Variants in CTCFL observed in about 807,000 individuals in gnomAD.
CTCFL encodes the protein CCCTC-binding factor like.
CTCFL carries 36 observed loss-of-function variants against 67.4 expected under a neutral mutation model. The ratio of observed to expected loss-of-function variants is 0.53; its 90% CI spans 0.41 to 0.71. The LOEUF is 0.71. Ranked by LOEUF, CTCFL falls within the 30% of genes least tolerant of loss-of-function variation. The probability of loss-of-function intolerance (pLI) is 0.00; values close to 1 mark genes in which losing one functional copy is unlikely to be tolerated. For synonymous variants in CTCFL, 324 were observed against 302.3 expected, an observed-to-expected ratio of 1.07 and a Z score of -0.75; for missense variants, 786 against 835.2, an observed-to-expected ratio of 0.94 and a Z score of 0.73.
chr20:57,500,651 C>A (rs1600633352), intron 10 of CTCFL, among the ~76,000 whole-genome samples: 1 of 152,024 alleles, frequency 6.6e-6, no homozygotes, highest in African/African-American at 2.4e-5. Context: ...TGGATATGAC[C>A]GCTGACCATC....
In CTCFL at chr20:57,497,238, A is replaced by G. The variant is rs1600628591; in HGVS notation, c.*1312T>C. 1 of 970,058 alleles carries G rather than the reference A, an allele frequency of 1.0e-6. No homozygotes were observed. The highest frequency in any genetic ancestry group is 1.1e-4 in the East Asian group (1 of 8,754). 60.1% of individuals were successfully genotyped at this position (970,058 alleles called of 1,614,324 possible). A position where few individuals can be genotyped will look rare whatever the true frequency, so the allele number is the denominator to read the frequency against. The stretch of plus-strand genomic sequence containing the variant: ...TAAATAACAGTAAAAAAATTAAGAA[A>G]CCATTGCACAAATTCAGTCACAATG... On this transcript the variant is annotated 3_prime_UTR_variant, in exon 11 of 11. Coordinates refer to ENST00000243914, the MANE Select transcript of CTCFL (RefSeq NM_001386993.1).
At chr20:57,520,387 A>G (rs964779641) in intron 3 of CTCFL, among the ~76,000 whole-genome samples, 74 of 152,250 alleles carry the variant, frequency 4.9e-4, no homozygotes, top group Non-Finnish European at 2.2e-4. Flanking sequence ...GAATCATCAA[A>G]TACAGAATAT....
In CTCFL at chr20:57,523,276, G is replaced by T. The variant is rs746164245; in HGVS notation, c.546C>A (p.Leu182=). Residue 182 remains leucine, a splice_region_variant and synonymous_variant, in exon 3 of 11, where the codon CTC becomes CTA. Coordinates refer to ENST00000243914, the MANE Select transcript of CTCFL (RefSeq NM_001386993.1). ...ACTGGTTCTTCTCCTGCTCTTCCTC[G>T]AGCTAATAAACAACAAATATTCAAA... ...SLAETTGLIK[L]EEEQEKNQLL... 1.9e-6 allele frequency: 3 copies of T among 1,611,864 alleles called. No individual in the cohort carries two copies. Among genetic ancestry groups the T allele is most frequent in the Non-Finnish European group, 2.5e-6 (3 of 1,178,980 alleles).
chr20:57,498,250 C>CA lies in CTCFL; in HGVS notation c.*299dup. ...CCATAGGTTTGAGGTGTTACCCTCT[C>CA]ATTCAAGGTTTAAAACTTTTATAAA... On this transcript the variant is annotated 3_prime_UTR_variant, in exon 11 of 11. Transcript: ENST00000243914. 9.6e-7 allele frequency: 1 copy of CA among 1,042,006 alleles called. No individual in the cohort carries two copies. Among genetic ancestry groups the CA allele is most frequent in the Non-Finnish European group, 1.2e-6 (1 of 865,890 alleles). 64.5% of individuals were successfully genotyped at this position (1,042,006 alleles called of 1,614,324 possible).
upstream of CTCFL, chr20:57,525,237 C>G (rs1414657550): frequency 2.5e-5 from 2 of 81,526 alleles, no homozygotes; most frequent in African/African-American, 9.5e-5. Flanking sequence ...ACTGTGGGGG[C>G]AGGGGGGAAG....
Position 57,523,064 on chromosome 20 carries a change from C to T in CTCFL, c.754+4G>A, listed in dbSNP as rs547361827. On this transcript the variant is annotated splice_donor_region_variant and intron_variant, in intron 3 of 10. Transcript: ENST00000243914. Reference sequence around the variant, plus strand: ...AGTGTATTCTATGAGATGAACTGGCCTACCCTTTGTCTTTCTTTGATTTTT... The same window carrying T: ...AGTGTATTCTATGAGATGAACTGGCTTACCCTTTGTCTTTCTTTGATTTTT... The T allele has an allele frequency of 2.5e-6, 4 of 1,612,514 alleles. No homozygotes were observed. In the East Asian group the frequency reaches 8.9e-5, roughly 36 times the overall value.
In CTCFL at chr20:57,508,470, T is replaced by C. The variant is rs868510915; in HGVS notation, c.1674+136A>G. Reference sequence around the variant, plus strand: ...GATTTTAAAAAACTAATAACCACTTTCCTAAGGCATGACAGATGCTCCTGA... The same window carrying C: ...GATTTTAAAAAACTAATAACCACTTCCCTAAGGCATGACAGATGCTCCTGA... On this transcript the variant is annotated intron_variant, in intron 9 of 10. Transcript: ENST00000243914. 191 of 775,180 alleles carry C rather than the reference T, an allele frequency of 2.5e-4. No individual in the cohort carries two copies. In the Middle Eastern group the frequency reaches 2.5e-3, roughly 10 times the overall value. 48.0% of individuals were successfully genotyped at this position (775,180 alleles called of 1,614,324 possible).
At position 57,512,701 on chromosome 20, in the gene CTCFL, C is replaced by T. The variant is rs542637797; in HGVS notation, c.1382G>A (p.Arg461His). 3.7e-6 allele frequency: 6 copies of T among 1,614,160 alleles called. No homozygotes were observed. The highest frequency in any genetic ancestry group is 2.2e-5 in the East Asian group (1 of 44,890). Residue 461 changes from arginine to histidine, a missense_variant, in exon 8 of 11, where the codon CGC becomes CAC. Around this residue, in one of 3 missense-constraint regions of CTCFL, gnomAD observed 254 missense variants for 333.9 expected, o/e 0.76. Transcript: ENST00000243914. ...HAYSAAELKCRYCSAVFHERY... is the reference protein window; with the variant it reads ...HAYSAAELKCHYCSAVFHERY... ...TTCATGGAAGACAGCAGAACAGTAG[C>T]GGCATTTCAGCTCTGCAGCGCTGTA...
chr20:57,523,170 T>C lies in CTCFL; in HGVS notation c.652A>G (p.Thr218Ala). ...TCTTCCACATTTGAATTTGAAACTGTGAGAACAATTTCGTCACTTCTTTCA... is the reference window on the plus strand; with the variant it reads ...TCTTCCACATTTGAATTTGAAACTGCGAGAACAATTTCGTCACTTCTTTCA... ...GDERSDEIVLTVSNSNVEEQE... is the reference protein window; with the variant it reads ...GDERSDEIVLAVSNSNVEEQE... Residue 218 changes from threonine (T) to alanine (A), a missense_variant, in exon 3 of 11, where the codon ACA (threonine) becomes GCA (alanine). Physicochemically the swap from Thr to Ala is moderately conservative, Grantham distance 58. Transcript: ENST00000243914. 1 of 1,614,066 alleles carries C rather than the reference T, an allele frequency of 6.2e-7. No individual in the cohort carries two copies.
At chr20:57,503,682 G>T in intron 9 of CTCFL, 81 bp from the exon 10 acceptor site, 6 of 1,464,514 alleles carry the variant, frequency 4.1e-6, no homozygotes, top group Non-Finnish European at 4.7e-6. Flanking sequence ...GGGACCCCAC[G>T]CATGGAAAGA....
In CTCFL at chr20:57,502,010, G is replaced by A. The variant is rs938509137; in HGVS notation, c.1840+1426C>T. Among the ~76,000 whole-genome samples the A allele has an allele frequency of 8.5e-5, 13 of 152,222 alleles. No homozygotes were observed. In the East Asian group the frequency reaches 1.2e-3, roughly 14 times the overall value. ...TTGCATGAGCTCAGTGGTAATTGCC[G>A]ATGCCTGGAGGAGAAAGGAGGGTGC... is the stretch of plus-strand genomic sequence containing the variant. On this transcript the variant is annotated intron_variant, in intron 10 of 10. Transcript: ENST00000243914.
At chr20:57,515,606 T>C (rs1568870986) in intron 6 of CTCFL, 108 bp downstream of exon 6, 3 of 1,452,466 alleles carry the variant, frequency 2.1e-6, no homozygotes, top group Middle Eastern at 3.6e-4. Context: ...CACGCAAAAA[T>C]CCACTTTTAC....
At chr20:57,523,357 A>G in intron 2 of CTCFL, 79 bp from the exon 3 acceptor site, 1 of 1,360,852 alleles carries the variant, frequency 7.3e-7, no homozygotes. Flanking sequence ...AGCACAGAAT[A>G]CAAAAAGAAA....
chr20:57,516,541 A>C (rs2068938568), intron 5 of CTCFL, among the ~76,000 whole-genome samples: 1 of 152,190 alleles, frequency 6.6e-6, no homozygotes, highest in African/African-American at 2.4e-5. Context: ...TGTCTCAAAA[A>C]AAATAAAAAT....
chr20:57,505,243 CAA>C (rs941107174), intron 9 of CTCFL, among the ~76,000 whole-genome samples: 1 of 151,634 alleles, frequency 6.6e-6, no homozygotes, highest in African/African-American at 2.4e-5. Flanking sequence ...AATGAGAAGA[CAA>C]AATTTATTTA....
At chr20:57,518,172 T>A (rs745925225) in intron 5 of CTCFL, among the ~76,000 whole-genome samples, 6 of 152,220 alleles carry the variant, frequency 3.9e-5, no homozygotes, top group Admixed American at 1.3e-4. Flanking sequence ...GACAATTAAC[T>A]GGTGGAAACT....
At chr20:57,517,283 CTTTT>C (rs77609219) in intron 5 of CTCFL, among the ~76,000 whole-genome samples, 3 of 130,750 alleles carry the variant, frequency 2.3e-5, no homozygotes, top group Admixed American at 7.9e-5. Context: ...AGTTCAAATG[CTTTT>C]TTTTTTTTTT....
rs78625079 is a variant in CTCFL, at chr20:57,514,573, A to C, written c.1330+19T>G. The C allele has an allele frequency of 1.5e-5, 25 of 1,613,062 alleles. No individual in the cohort carries two copies. In the Admixed American group the frequency reaches 4.0e-4, roughly 26 times the overall value. On this transcript the variant is annotated intron_variant, in intron 7 of 10. Coordinates refer to ENST00000243914, the MANE Select transcript of CTCFL (RefSeq NM_001386993.1). ...GCCAGCAAATGCTGTAGTAAAAGAA[A>C]GATCGCTAAACCACTCACGTAGGTC...
intron 3 of CTCFL, among the ~76,000 whole-genome samples, chr20:57,519,656 A>C (rs2146431074): frequency 6.6e-6 from 1 of 152,300 alleles, no homozygotes; most frequent in South Asian, 2.1e-4. Flanking sequence ...AATGCTAGGG[A>C]GGAGATGCCT....
Sources: gnomAD v4.1 joint callset for allele counts (sites outside exome capture counted in the v4.1 genomes callset) on GRCh38, gnomAD v4.1.1 for gene constraint, gnomAD v4.1.1 regional missense constraint, MANE v1.5 for transcripts, NCBI Gene and HGNC (gene_info 2026-07-23, HGNC 2026-07-21) for gene names.